Variants in TCEA3 observed in about 807,000 individuals in gnomAD.
The protein encoded by TCEA3 is transcription elongation factor A protein 3.
In TCEA3, 36 loss-of-function variants were observed where a neutral mutation model predicts 44.0. The ratio of observed to expected loss-of-function variants is 0.82; its 90% CI spans 0.63 to 1.08. The LOEUF (loss-of-function observed/expected upper bound fraction) is 1.08, where lower values mean the gene tolerates loss of function less well. Ranked by LOEUF, TCEA3 falls within the 50% of genes least tolerant of loss-of-function variation. TCEA3 has a pLI of 0.00. For missense variants in TCEA3, 392 were observed against 441.2 expected (o/e 0.89, Z 1.00); for synonymous variants, 162 against 159.7 (o/e 1.01, Z -0.11).
chr1:23,391,956 G>A (rs1034263634), intron 8 of TCEA3, among the ~76,000 whole-genome samples: 9 of 152,048 alleles, frequency 5.9e-5, no homozygotes, highest in African/African-American at 1.7e-4. Context: ...AGAAATGTGA[G>A]GAATAAATGC....
At chr1:23,402,987 C>G (rs1407366658) in intron 5 of TCEA3, among the ~76,000 whole-genome samples, 1 of 152,198 alleles carries the variant, frequency 6.6e-6, no homozygotes, top group East Asian at 1.9e-4. Flanking sequence ...CTCTCTGGGC[C>G]TAAGAGAGGG....
intron 2 of TCEA3, 77 bp downstream of exon 2, chr1:23,418,999 TC>T: frequency 1.1e-6 from 1 of 901,504 alleles, no homozygotes; most frequent in Non-Finnish European, 1.4e-6. Context: ...GACTCCACCT[TC>T]CCCCACCAGG....
intron 4 of TCEA3, among the ~76,000 whole-genome samples, chr1:23,415,205 T>G (rs537663173): frequency 6.6e-6 from 1 of 152,064 alleles, no homozygotes; most frequent in Non-Finnish European, 1.5e-5. Context: ...GTATTTTTAG[T>G]AGAGACGGGG....
rs778662796 is a variant in TCEA3, at chr1:23,417,358, C to T, written c.271G>A (p.Glu91Lys). The T allele has an allele frequency of 3.1e-6, 5 of 1,613,958 alleles. No individual in the cohort carries two copies. Among genetic ancestry groups the T allele is most frequent in the Non-Finnish European group, 3.4e-6 (4 of 1,179,884 alleles). Residue 91 changes from glutamate to lysine, a missense_variant, in exon 4 of 11, where the codon GAG (glutamate) becomes AAG (lysine). Glu to Lys is a moderately conservative substitution (Grantham distance 56). Transcript: ENST00000450454. ...SPGPPKGEKG[E>K]EREKAKKKEK... ...TTCTTCTTTGCCTTTTCTCTTTCCT[C>T]TCCTTTTTCTCCTTTTGGGGGTCCA... is the stretch of plus-strand genomic sequence containing the variant.
chr1:23,393,754 G>T, intron 8 of TCEA3, 125 bp downstream of exon 8: 1 of 1,293,976 alleles, frequency 7.7e-7, no homozygotes, highest in Non-Finnish European at 1.0e-6. Context: ...GGGAGGCTGA[G>T]ATGAGGCTGG....
At chr1:23,420,729 C>A (rs916945961) in intron 1 of TCEA3, among the ~76,000 whole-genome samples, 1 of 152,158 alleles carries the variant, frequency 6.6e-6, no homozygotes, top group African/African-American at 2.4e-5. Flanking sequence ...GCAGAGAGTC[C>A]AGTGCTCCCT....
intron 1 of TCEA3, among the ~76,000 whole-genome samples, chr1:23,422,647 G>C (rs773821225): frequency 5.3e-5 from 8 of 152,100 alleles, no homozygotes; most frequent in Non-Finnish European, 1.0e-4. Context: ...ACTGCCGAGA[G>C]CCCAGGCGCA....
At chr1:23,398,307 ACAGTGT>A (rs1187695760) in intron 5 of TCEA3, among the ~76,000 whole-genome samples, 2 of 152,350 alleles carry the variant, frequency 1.3e-5, no homozygotes, top group African/African-American at 4.8e-5. Flanking sequence ...TCATTATAGA[ACAGTGT>A]AACACCACCA....
At chr1:23,414,884 T>A (rs1019025186) in intron 4 of TCEA3, among the ~76,000 whole-genome samples, 6 of 152,120 alleles carry the variant, frequency 3.9e-5, no homozygotes, top group African/African-American at 1.4e-4. Context: ...CAGGCCATAA[T>A]ACTGAGTCTC....
intron 8 of TCEA3, among the ~76,000 whole-genome samples, chr1:23,390,437 T>A (rs1234395642): frequency 2.0e-5 from 3 of 151,940 alleles, no homozygotes; most frequent in Admixed American, 6.6e-5. Flanking sequence ...GCTGAGATTA[T>A]GCCATTGCAC....
intron 2 of TCEA3, chr1:23,418,288 CA>C: frequency 2.4e-6 from 1 of 413,764 alleles, no homozygotes; most frequent in Non-Finnish European, 4.4e-6. Flanking sequence ...GGCTGACTGT[CA>C]GGACCCCTCC....
intron 10 of TCEA3, among the ~76,000 whole-genome samples, chr1:23,383,266 C>T (rs12131566): frequency 0.067 from 8,262 of 123,066 alleles, 382 homozygotes; most frequent in South Asian, 0.23. Context: ...GGCAACAGAG[C>T]GAGACTCCAT....
intron 7 of TCEA3, among the ~76,000 whole-genome samples, chr1:23,396,351 A>G (rs1004288262): frequency 1.3e-5 from 2 of 152,082 alleles, no homozygotes; most frequent in African/African-American, 4.8e-5. Context: ...CTCTAGTAAA[A>G]GAAGCTCCAT....
chr1:23,403,964 CAG>C, intron 5 of TCEA3: 1 of 617,462 alleles, frequency 1.6e-6, no homozygotes, highest in Non-Finnish European at 3.0e-6. Flanking sequence ...AGCCAAACTG[CAG>C]AGAGGGCATC....
intron 10 of TCEA3, 133 bp from the exon 11 acceptor site, chr1:23,381,607 T>TTAGC: frequency 1.4e-6 from 1 of 707,950 alleles, no homozygotes; most frequent in Non-Finnish European, 2.6e-6. Flanking sequence ...TCTGCCATTA[T>TTAGC]TAGCTGTGTG....
chr1:23,417,516 A>C, intron 3 of TCEA3, 126 bp from the exon 4 acceptor site: 1 of 1,400,866 alleles, frequency 7.1e-7, no homozygotes, highest in Non-Finnish European at 9.5e-7. Context: ...CAACACACAC[A>C]CAAACACATT....
At chr1:23,421,344 G>A (rs1640059796) in intron 1 of TCEA3, among the ~76,000 whole-genome samples, 1 of 152,154 alleles carries the variant, frequency 6.6e-6, no homozygotes, top group African/African-American at 2.4e-5. Context: ...GCTTTATAAG[G>A]AGCCAAGTTG....
chr1:23,419,731 G>T (rs1332801193), intron 1 of TCEA3, among the ~76,000 whole-genome samples: 1 of 152,162 alleles, frequency 6.6e-6, no homozygotes, highest in African/African-American at 2.4e-5. Context: ...AGTTACTCAG[G>T]AGGCTGAGGC....
At chr1:23,398,081 AT>A in intron 5 of TCEA3, 126 bp from the exon 6 acceptor site, 1 of 1,157,166 alleles carries the variant, frequency 8.6e-7, no homozygotes, top group East Asian at 2.6e-5. Context: ...GGTAGGTACT[AT>A]TTTAGGCACT....
Sources: gnomAD v4.1 joint callset for allele counts (sites outside exome capture counted in the v4.1 genomes callset) on GRCh38, gnomAD v4.1.1 for gene constraint, MANE v1.5 for transcripts, NCBI Gene and HGNC (gene_info 2026-07-23, HGNC 2026-07-21) for gene names.